SLC25A36: variants seen among roughly 807,000 people sequenced by gnomAD.
The protein encoded by SLC25A36 is epididymis secretory sperm binding protein.
Under a neutral mutation model 35.3 loss-of-function variants are expected in SLC25A36, and 24 were observed. The ratio of observed to expected loss-of-function variants is 0.68; its 90% CI spans 0.49 to 0.96. The LOEUF (loss-of-function observed/expected upper bound fraction) is 0.96, where lower values mean the gene tolerates loss of function less well. Among genes scored for constraint, SLC25A36 ranks in the 40% least tolerant of loss-of-function variants. The probability of loss-of-function intolerance (pLI) is 0.00; values close to 1 mark genes in which losing one functional copy is unlikely to be tolerated. For missense variants in SLC25A36, 294 were observed against 381.1 expected, an observed-to-expected ratio of 0.77 and a Z score of 1.90; for synonymous variants, 141 against 132.2, an observed-to-expected ratio of 1.07 and a Z score of -0.46.
intron 1 of SLC25A36, among the ~76,000 whole-genome samples, chr3:140,951,922 C>T (rs1327517373): frequency 6.6e-6 from 1 of 152,148 alleles, no homozygotes; most frequent in Non-Finnish European, 1.5e-5. Flanking sequence ...AAGCCTTGAC[C>T]TCCCAGGTTT....
chr3:140,975,574 A>G lies in SLC25A36; in HGVS notation c.743-686A>G, dbSNP rs187447837. Among the ~76,000 whole-genome samples the G allele has an allele frequency of 3.4e-3, 523 of 152,352 alleles. 2 individuals carry two copies. The highest frequency in any genetic ancestry group is 5.0e-3 in the Non-Finnish European group (338 of 68,034). On this transcript the variant is annotated intron_variant, in intron 6 of 6. Transcript: ENST00000324194. ...AGTGGATGTAAAAAAAAGTAGTTAC[A>G]TAGGAAGCTGTGAGTTCTTGTCCCA...
rs541015785 is a variant in SLC25A36, at chr3:140,941,857, C to T, written c.-198C>T. Reference sequence around the variant, plus strand: ...TTTCAGCCTCTGGTGAAGGGCGGCGCGCTTAGGCAGGCGGTGGCGCGGCTG... The same window carrying T: ...TTTCAGCCTCTGGTGAAGGGCGGCGTGCTTAGGCAGGCGGTGGCGCGGCTG... On this transcript the variant is annotated 5_prime_UTR_variant, in exon 1 of 7. Coordinates refer to ENST00000324194, the MANE Select transcript of SLC25A36 (RefSeq NM_001104647.3). 6 of 505,540 alleles carry T rather than the reference C, an allele frequency of 1.2e-5. No homozygotes were observed. In the Admixed American group the frequency reaches 1.6e-4, roughly 14 times the overall value. The allele number at this position is 505,540 out of a possible 1,614,324, so 31.3% of individuals were successfully genotyped here.
chr3:140,950,968 T>C (rs546613362), intron 1 of SLC25A36, among the ~76,000 whole-genome samples: 1 of 150,972 alleles, frequency 6.6e-6, no homozygotes, highest in East Asian at 1.9e-4. Context: ...CTGGGCATCC[T>C]ACCTTTGTCA....
rs1935053342 is a variant in SLC25A36, at chr3:140,976,584, T to A, written c.*131T>A. 2.3e-5 allele frequency: 16 copies of A among 696,074 alleles called. No homozygotes were observed. In the Middle Eastern group the frequency reaches 9.1e-4, roughly 39 times the overall value. 43.1% of individuals were successfully genotyped at this position (696,074 alleles called of 1,614,324 possible). On this transcript the variant is annotated 3_prime_UTR_variant, in exon 7 of 7. Transcript: ENST00000324194. ...ATGTAACTATTCTAAGTGGAAGTTT[T>A]GTTGTAGGAATTATAGTAATCACAC...
In SLC25A36 at chr3:140,963,175, T is replaced by A. The variant is rs372583688; in HGVS notation, c.333T>A (p.Asp111Glu). ...AYSNCKEKLN[D>E]VFDPDSTQVH... ...CAAACTGCAAGGAAAAGTTGAATGA[T>A]GTATTTGATCCTGATTCTACCCAAG... The change falls in exon 4 of 7, where the codon GAT becomes GAA. Residue 111 changes from aspartate to glutamate, a missense_variant. Physicochemically the swap from Asp to Glu is conservative, Grantham distance 45. Coordinates refer to ENST00000324194, the MANE Select transcript of SLC25A36 (RefSeq NM_001104647.3). 6.3e-7 allele frequency: 1 copy of A among 1,598,310 alleles called. No individual in the cohort carries two copies. Among genetic ancestry groups the A allele is most frequent in the Non-Finnish European group, 8.5e-7 (1 of 1,176,280 alleles).
At chr3:140,961,855 C>CAAAAAA (rs553759457) in intron 3 of SLC25A36, among the ~76,000 whole-genome samples, 13 of 35,840 alleles carry the variant, frequency 3.6e-4, no homozygotes, top group East Asian at 3.0e-3. Flanking sequence ...GGCTCCGTCT[C>CAAAAAA]AAAAAAAAAA....
chr3:140,943,596 C>T (rs1449105942), intron 1 of SLC25A36, among the ~76,000 whole-genome samples: 15 of 152,176 alleles, frequency 9.9e-5, no homozygotes, highest in Non-Finnish European at 4.4e-5. Context: ...AGATCTATAA[C>T]CCTGAAGTGA....
At chr3:140,975,618 C>G (rs1176462967) in intron 6 of SLC25A36, among the ~76,000 whole-genome samples, 2 of 152,134 alleles carry the variant, frequency 1.3e-5, no homozygotes, top group Admixed American at 6.5e-5. Flanking sequence ...CCACAACTGG[C>G]CAAAATTTCT....
intron 4 of SLC25A36, chr3:140,966,313 G>A (rs944677942): frequency 6.3e-6 from 2 of 318,362 alleles, no homozygotes; most frequent in Non-Finnish European, 1.3e-5. Context: ...TTGTGTGTTT[G>A]TGTGTAAACA....
chr3:140,955,976 C>T (rs1029560010), intron 1 of SLC25A36, among the ~76,000 whole-genome samples: 3 of 152,180 alleles, frequency 2.0e-5, no homozygotes, highest in African/African-American at 7.2e-5. Context: ...ATGTGTGAGC[C>T]ATGCGCCCAG....
intron 1 of SLC25A36, among the ~76,000 whole-genome samples, chr3:140,950,971 C>G (rs910927842): frequency 1.3e-5 from 2 of 150,732 alleles, no homozygotes; most frequent in East Asian, 3.9e-4. Context: ...GGCATCCTAC[C>G]TTTGTCATAC....
At chr3:140,956,306 A>C (rs1159123590) in intron 1 of SLC25A36, among the ~76,000 whole-genome samples, 1 of 152,214 alleles carries the variant, frequency 6.6e-6, no homozygotes, top group Non-Finnish European at 1.5e-5. Flanking sequence ...TATTCTTGCC[A>C]GATAGTTACT....
intron 4 of SLC25A36, chr3:140,968,252 A>T: frequency 1.1e-6 from 1 of 935,788 alleles, no homozygotes; most frequent in Non-Finnish European, 1.3e-6. Context: ...AAACTCAAGG[A>T]CCTGAGTTTT....
intron 1 of SLC25A36, 96 bp downstream of exon 1, chr3:140,942,191 T>TGGGGGGGTGGGGGGGGG (rs1192506356): frequency 5.0e-5 from 1 of 20,186 alleles, no homozygotes; most frequent in African/African-American, 2.0e-4. Context: ...GGTGGGGGGG[T>TGGGGGGGTGGGGGGGGG]GGGGGGGCGG....
rs903803994 is a variant in SLC25A36 at position 140,956,860 on chromosome 3, A to G, written c.206+169A>G. 1.6e-5 allele frequency: 18 copies of G among 1,097,056 alleles called. No individual in the cohort carries two copies. The East Asian group carries it at 2.8e-4, about 17-fold the overall frequency. The allele number at this position is 1,097,056 out of a possible 1,614,324, so 68.0% of individuals were successfully genotyped here. On this transcript the variant is annotated intron_variant, in intron 2 of 6. Transcript: ENST00000324194. ...ATGATAATCCCTAATGGAGAAGAAC[A>G]GTTAGACAGATAAGATAAAGTGTAA...
intron 1 of SLC25A36, among the ~76,000 whole-genome samples, chr3:140,944,136 C>G (rs1387331275): frequency 1.3e-5 from 2 of 152,142 alleles, no homozygotes; most frequent in Admixed American, 1.3e-4. Flanking sequence ...TTAAAGGAAG[C>G]CCAGTATATT....
intron 4 of SLC25A36, chr3:140,970,710 T>C: frequency 2.8e-6 from 1 of 361,834 alleles, no homozygotes; most frequent in South Asian, 4.7e-5. Flanking sequence ...ATTTTGCTTT[T>C]AAAAGAATCT....
chr3:140,969,822 T>C (rs1934855957), intron 4 of SLC25A36, among the ~76,000 whole-genome samples: 1 of 151,966 alleles, frequency 6.6e-6, no homozygotes, highest in Non-Finnish European at 1.5e-5. Context: ...TTACTCATCT[T>C]AAATGTACTG....
At position 140,941,952 on chromosome 3, in the gene SLC25A36, C is replaced by G; in HGVS notation, c.-103C>G. ...TCTCGGCCAGCTCTCCTCGCCGTCCCCGGGGCGCTGTGCGTCTCCAGTCCG... is the reference window on the plus strand; with the variant it reads ...TCTCGGCCAGCTCTCCTCGCCGTCCGCGGGGCGCTGTGCGTCTCCAGTCCG... On this transcript the variant is annotated 5_prime_UTR_variant, in exon 1 of 7. Coordinates refer to ENST00000324194, the MANE Select transcript of SLC25A36 (RefSeq NM_001104647.3). 1 of 652,358 alleles carries G rather than the reference C, an allele frequency of 1.5e-6. No homozygotes were observed. The highest frequency in any genetic ancestry group is 2.6e-6 in the Non-Finnish European group (1 of 387,318). The allele number at this position is 652,358 out of a possible 1,614,324, so 40.4% of individuals were successfully genotyped here.
Sources: gnomAD v4.1 joint callset for allele counts (sites outside exome capture counted in the v4.1 genomes callset) on GRCh38, gnomAD v4.1.1 for gene constraint, MANE v1.5 for transcripts, NCBI Gene and HGNC (gene_info 2026-07-23, HGNC 2026-07-21) for gene names.